The following NR6A1 variants were observed in gnomAD, a reference collection of about 807,000 sequenced individuals.
NR6A1 encodes the protein nuclear receptor subfamily 6 group A member 1.
Under a neutral mutation model 59.1 loss-of-function variants are expected in NR6A1, and 7 were observed. The observed-to-expected ratio is 0.12, with a 90% CI of 0.07 to 0.22. The LOEUF (loss-of-function observed/expected upper bound fraction) is 0.22. NR6A1 is among the 10% of genes least tolerant of loss of function. The pLI, the probability that NR6A1 is intolerant of heterozygous loss-of-function variation, is 1.00. For missense variants in NR6A1, 468 were observed against 611.6 expected (o/e 0.77, Z 2.48); for synonymous variants, 243 against 236.1 (o/e 1.03, Z -0.27).
intron 1 of NR6A1, among the ~76,000 whole-genome samples, chr9:124,751,654 G>C (rs562111300): frequency 6.6e-6 from 1 of 152,272 alleles, no homozygotes; most frequent in Non-Finnish European, 1.5e-5. Context: ...CATGAGTCTG[G>C]TGCCTGGGAT....
intron 2 of NR6A1, among the ~76,000 whole-genome samples, chr9:124,569,436 A>G (rs1834375787): frequency 6.6e-6 from 1 of 152,224 alleles, no homozygotes; most frequent in Admixed American, 6.5e-5. Context: ...TTGGAAACCG[A>G]TTTTTATCAA....
chr9:124,767,402 G>A (rs755686906), intron 1 of NR6A1, among the ~76,000 whole-genome samples: 5 of 151,344 alleles, frequency 3.3e-5, no homozygotes, highest in Non-Finnish European at 5.9e-5. Flanking sequence ...ACTGGAGACT[G>A]TAAATGTGGT....
intron 1 of NR6A1, among the ~76,000 whole-genome samples, chr9:124,737,512 C>T (rs573135660): frequency 1.3e-4 from 20 of 152,240 alleles, no homozygotes; most frequent in African/African-American, 3.4e-4. Flanking sequence ...CCCAAATGTA[C>T]GTTAAATTGG....
intron 2 of NR6A1, among the ~76,000 whole-genome samples, chr9:124,612,328 C>T (rs550867107): frequency 5.3e-5 from 8 of 152,300 alleles, no homozygotes; most frequent in African/African-American, 1.9e-4. Context: ...CTCCATAGAA[C>T]TGACCCCGGG....
chr9:124,528,724 C>T (rs1018737943), intron 7 of NR6A1, among the ~76,000 whole-genome samples: 1 of 151,224 alleles, frequency 6.6e-6, no homozygotes. Context: ...AAACAAAAAA[C>T]CAAAAACCAA....
rs1200461646 is a variant in NR6A1 at position 124,521,596 on chromosome 9, G to A, written c.*1109C>T. On this transcript the variant is annotated 3_prime_UTR_variant, in exon 10 of 10. Coordinates refer to ENST00000487099, the MANE Select transcript of NR6A1 (RefSeq NM_033334.4). ...TTGTTTAAAAAAGCCTGAAGTTTTC[G>A]GATTTAGACCTGAGGGTGCGGTAGG... The A allele has an allele frequency of 2.6e-5, 4 of 152,226 alleles. No homozygotes were observed. The highest frequency in any genetic ancestry group is 5.9e-5 in the Non-Finnish European group (4 of 68,082). 9.4% of individuals were successfully genotyped at this position (152,226 alleles called of 1,614,324 possible). A position where few individuals can be genotyped will look rare whatever the true frequency, so the allele number is the denominator to read the frequency against.
At chr9:124,733,486 T>A in intron 1 of NR6A1, 137 bp from the exon 2 acceptor site, 1 of 678,072 alleles carries the variant, frequency 1.5e-6, no homozygotes, top group South Asian at 1.7e-5. Context: ...CTCTAACATT[T>A]AGCTACTACA....
chr9:124,659,609 T>C (rs1837369025), intron 2 of NR6A1, among the ~76,000 whole-genome samples: 1 of 151,868 alleles, frequency 6.6e-6, no homozygotes, highest in East Asian at 1.9e-4. Flanking sequence ...CGCCTGCTTT[T>C]GTCTAACTCT....
At chr9:124,554,156 C>T (rs1048419176) in intron 3 of NR6A1, among the ~76,000 whole-genome samples, 172 bp downstream of exon 3, 5 of 152,158 alleles carry the variant, frequency 3.3e-5, no homozygotes, top group African/African-American at 9.7e-5. Context: ...TTTCTTCCCC[C>T]CACCTAGTTT....
At chr9:124,635,393 G>A (rs1836577739) in intron 2 of NR6A1, among the ~76,000 whole-genome samples, 1 of 152,174 alleles carries the variant, frequency 6.6e-6, no homozygotes, top group South Asian at 2.1e-4. Flanking sequence ...TCTCGTGAGG[G>A]TGAATTAGTT....
At chr9:124,727,037 ACT>A (rs1443410130) in intron 2 of NR6A1, among the ~76,000 whole-genome samples, 1 of 152,006 alleles carries the variant, frequency 6.6e-6, no homozygotes, top group Non-Finnish European at 1.5e-5. Flanking sequence ...ACTTCCAGAA[ACT>A]CTGCATTCCA....
intron 1 of NR6A1, among the ~76,000 whole-genome samples, chr9:124,743,275 T>C (rs1170227704): frequency 1.3e-5 from 2 of 152,198 alleles, no homozygotes; most frequent in African/African-American, 4.8e-5. Context: ...CACAGGCAGC[T>C]TGACAAACCA....
At chr9:124,556,742 T>C (rs1370768829) in intron 2 of NR6A1, among the ~76,000 whole-genome samples, 1 of 152,148 alleles carries the variant, frequency 6.6e-6, no homozygotes, top group African/African-American at 2.4e-5. Flanking sequence ...ATTAGAGGTG[T>C]GAGCCACCAC....
At chr9:124,672,132 T>C (rs1386109354) in intron 2 of NR6A1, among the ~76,000 whole-genome samples, 1 of 152,246 alleles carries the variant, frequency 6.6e-6, no homozygotes, top group African/African-American at 2.4e-5. Flanking sequence ...CATGTTGTGA[T>C]GGTGTGCCCT....
chr9:124,767,750 G>C (rs1840980528), intron 1 of NR6A1, among the ~76,000 whole-genome samples: 2 of 152,134 alleles, frequency 1.3e-5, no homozygotes, highest in Middle Eastern at 3.2e-3. Flanking sequence ...GAAGAAAAAG[G>C]CACCGTGCTA....
intron 2 of NR6A1, among the ~76,000 whole-genome samples, chr9:124,617,390 T>C (rs1040693371): frequency 1.3e-5 from 2 of 152,256 alleles, no homozygotes; most frequent in African/African-American, 4.8e-5. Context: ...TATAGTCAAT[T>C]TCAGCAGCTG....
intron 1 of NR6A1, among the ~76,000 whole-genome samples, chr9:124,744,800 A>C (rs1840277838): frequency 6.6e-6 from 1 of 152,222 alleles, no homozygotes; most frequent in African/African-American, 2.4e-5. Flanking sequence ...AGAGCTTTCA[A>C]AGTCATTTCA....
intron 2 of NR6A1, among the ~76,000 whole-genome samples, chr9:124,639,580 T>C (rs1836712307): frequency 6.6e-6 from 1 of 152,126 alleles, no homozygotes; most frequent in South Asian, 2.1e-4. Flanking sequence ...TCTGGTTCAG[T>C]GTAGACAGGG....
At chr9:124,691,908 C>T (rs1451711939) in intron 2 of NR6A1, among the ~76,000 whole-genome samples, 2 of 152,142 alleles carry the variant, frequency 1.3e-5, no homozygotes, top group Non-Finnish European at 2.9e-5. Context: ...GACTTTGGCT[C>T]TGCAGTGATG....
Sources: allele counts gnomAD v4.1 joint callset (sites outside exome capture counted in the v4.1 genomes callset), GRCh38; gene constraint gnomAD v4.1.1; transcripts MANE v1.5; gene names NCBI Gene and HGNC (gene_info 2026-07-23, HGNC 2026-07-21).